The following PLXNB2 variants were observed in gnomAD, a reference collection of about 807,000 sequenced individuals.
PLXNB2 encodes plexin-B2.
A neutral mutation model predicts 202.6 loss-of-function variants in PLXNB2; 85 were observed. The observed-to-expected ratio is 0.42, with a 90% CI of 0.35 to 0.50. The LOEUF is 0.50. Ranked by LOEUF, PLXNB2 falls within the 20% of genes least tolerant of loss-of-function variation. The pLI is 0.02. For missense variants in PLXNB2, 2,063 were observed against 2,586.2 expected, an observed-to-expected ratio of 0.80 and a Z score of 4.39; for synonymous variants, 1,239 against 1,137.6, an observed-to-expected ratio of 1.09 and a Z score of -1.79.
chr22:50,290,115 A>T lies in PLXNB2; in HGVS notation c.470T>A (p.Val157Glu). ...NDEGVATVGLVSSTGPGGDRV... is the reference protein window; with the variant it reads ...NDEGVATVGLESSTGPGGDRV... ...GTCACCACCAGGACCCGTGGAGCTC[A>T]CCAGCCCCACTGTGGCCACGCCCTC... Residue 157 changes from valine (V) to glutamate (E), a missense_variant, in exon 3 of 37, where the codon GTG (valine) becomes GAG (glutamate). Val to Glu is a moderately radical substitution (Grantham distance 121, BLOSUM62 -2). Coordinates refer to ENST00000359337, the MANE Select transcript of PLXNB2 (RefSeq NM_012401.4). The T allele has an allele frequency of 6.2e-7, 1 of 1,613,038 alleles. No homozygotes were observed. Among genetic ancestry groups the T allele is most frequent in the Non-Finnish European group, 8.5e-7 (1 of 1,179,974 alleles).
chr22:50,280,159 G>A (rs2065887223), intron 25 of PLXNB2, 88 bp from the exon 26 acceptor site: 6 of 1,073,400 alleles, frequency 5.6e-6, no homozygotes, highest in East Asian at 2.5e-5. Flanking sequence ...CCACCCTTGC[G>A]CCAGCCTCGC....
intron 1 of PLXNB2, among the ~76,000 whole-genome samples, chr22:50,302,052 G>A (rs1272738454): frequency 6.6e-6 from 1 of 152,272 alleles, no homozygotes; most frequent in East Asian, 1.9e-4. Context: ...GAGGGGCAGT[G>A]GGGCTCTCAG....
In PLXNB2 at chr22:50,307,562, C is replaced by T. The variant is rs982896042; in HGVS notation, c.-83G>A. The T allele has an allele frequency of 4.0e-4, 396 of 982,206 alleles. No homozygotes were observed. The highest frequency in any genetic ancestry group is 5.2e-4 in the Middle Eastern group (1 of 1,928). 60.8% of individuals were successfully genotyped at this position (982,206 alleles called of 1,614,324 possible). A position where few individuals can be genotyped will look rare whatever the true frequency, so the allele number is the denominator to read the frequency against. On this transcript the variant is annotated 5_prime_UTR_variant, in exon 1 of 37. Coordinates refer to ENST00000359337, the MANE Select transcript of PLXNB2 (RefSeq NM_012401.4). Reference sequence around the variant, plus strand: ...CCCCCGAGCTCGGTACCTGCACGTCCGCCGCCAAGGCTCGATGGCGCCCGG... The same window carrying T: ...CCCCCGAGCTCGGTACCTGCACGTCTGCCGCCAAGGCTCGATGGCGCCCGG...
intron 1 of PLXNB2, among the ~76,000 whole-genome samples, chr22:50,303,701 C>A (rs889251977): frequency 1.3e-5 from 2 of 152,214 alleles, no homozygotes; most frequent in African/African-American, 4.8e-5. Flanking sequence ...CACACAGGGC[C>A]CCCCATGGAA....
In PLXNB2 at chr22:50,278,994, C is replaced by T; in HGVS notation, c.4407G>A (p.Val1469=). ...EYAPLTVSVI[V]QDEGVDAIPV... ...GGATGGCGTCCACTCCCTCGTCCTGCACGATCACGCTCACCGTCTGCCGAG... is the reference window on the plus strand; with the variant it reads ...GGATGGCGTCCACTCCCTCGTCCTGTACGATCACGCTCACCGTCTGCCGAG... Residue 1469 remains valine (V), a synonymous_variant, in exon 28 of 37, where the codon GTG becomes GTA. Transcript: ENST00000359337. 1 of 1,610,572 alleles carries T rather than the reference C, an allele frequency of 6.2e-7. No individual in the cohort carries two copies. The highest frequency in any genetic ancestry group is 2.2e-5 in the East Asian group (1 of 44,832).
intron 1 of PLXNB2, among the ~76,000 whole-genome samples, chr22:50,304,419 CTG>C (rs1461497530): frequency 1.3e-5 from 2 of 152,208 alleles, no homozygotes; most frequent in African/African-American, 4.8e-5. Flanking sequence ...AGGAGGGCCA[CTG>C]TGTCAGGGCC....
At chr22:50,280,191 C>A in intron 25 of PLXNB2, 120 bp from the exon 26 acceptor site, 2 of 791,870 alleles carry the variant, frequency 2.5e-6, no homozygotes, top group Admixed American at 2.8e-5. Context: ...CTGGGTGTGG[C>A]CTGCAGCGAG....
chr22:50,282,595 C>A, intron 18 of PLXNB2, 116 bp downstream of exon 18: 2 of 760,364 alleles, frequency 2.6e-6, no homozygotes, highest in South Asian at 1.9e-5. Flanking sequence ...TTCCGGAGGC[C>A]GCCTCCCGCT....
rs747008639 is a variant in PLXNB2, at chr22:50,280,730, G to T, written c.3993+14C>A. 1 of 774,108 alleles carries T rather than the reference G, an allele frequency of 1.3e-6. No individual in the cohort carries two copies. Among genetic ancestry groups the T allele is most frequent in the South Asian group, 1.4e-5 (1 of 71,806 alleles). 48.0% of individuals were successfully genotyped at this position (774,108 alleles called of 1,614,324 possible). On this transcript the variant is annotated intron_variant, in intron 24 of 36. Transcript: ENST00000359337. ...CACCTGTGTGCCCTCCCGCCCGCCC[G>T]ACGCCTGGCTCACATTGATGAGGAA...
chr22:50,304,066 C>T (rs986928124), intron 1 of PLXNB2, among the ~76,000 whole-genome samples: 8 of 152,194 alleles, frequency 5.3e-5, no homozygotes, highest in African/African-American at 1.7e-4. Flanking sequence ...TAGCGGGCCA[C>T]GGTGTGGGCT....
intron 34 of PLXNB2, 38 bp from the exon 35 acceptor site, chr22:50,276,742 G>A (rs2065626949): frequency 1.2e-6 from 2 of 1,600,506 alleles, no homozygotes; most frequent in East Asian, 2.2e-5. Flanking sequence ...TGGGCGGCAG[G>A]GACCACAAAG....
chr22:50,280,714 G>GGCCGACCCC, intron 24 of PLXNB2, 30 bp downstream of exon 24: 1 of 1,528,954 alleles, frequency 6.5e-7, no homozygotes, highest in Non-Finnish European at 8.9e-7. Flanking sequence ...CCACCTGTGT[G>GGCCGACCCC]CCCTCCCGCC....
In PLXNB2 at chr22:50,284,580, G is replaced by A; in HGVS notation, c.2174C>T (p.Thr725Ile). The A allele has an allele frequency of 1.9e-6, 3 of 1,611,412 alleles. No individual in the cohort carries two copies. The highest frequency in any genetic ancestry group is 2.2e-5 in the East Asian group (1 of 44,872). Residue 725 changes from threonine (T) to isoleucine (I), a missense_variant, in exon 12 of 37, where the codon ACC becomes ATC. Physicochemically the swap from Thr to Ile is moderately conservative, Grantham distance 89. Transcript: ENST00000359337. The surrounding 1 kb of genome is among the most constrained non-coding windows in gnomAD (Gnocchi z 8.0). ...MQESGTFAFR[T>I]PKLSHDANET... ...CCTGCCCTGGAGCCGTACCTTTGGG[G>A]TCCGAAAGGCGAAGGTCCCAGATTC...
intron 25 of PLXNB2, 111 bp from the exon 26 acceptor site, chr22:50,280,182 TG>T (rs2147358414): frequency 1.2e-6 from 1 of 865,614 alleles, no homozygotes; most frequent in East Asian, 2.6e-5. Flanking sequence ...CTGTCCAGCC[TG>T]GGTGTGGCCT....
intron 1 of PLXNB2, among the ~76,000 whole-genome samples, chr22:50,296,679 C>T (rs2067301675): frequency 6.6e-6 from 1 of 151,928 alleles, no homozygotes; most frequent in African/African-American, 2.4e-5. Context: ...ACTCTCCAGG[C>T]CCTCAATAGC....
rs1248795262 is a variant in PLXNB2 at position 50,290,462 on chromosome 22, C to G, written c.123G>C (p.Glu41Asp). Reference sequence around the variant, plus strand: ...CCCCCAGGTACACCACGCCTGAGGCCTCATCCACAGCCAGGTGGTTCAGCT... The same window carrying G: ...CCCCCAGGTACACCACGCCTGAGGCGTCATCCACAGCCAGGTGGTTCAGCT... ...EKELNHLAVD[E>D]ASGVVYLGAV... The change falls in exon 3 of 37, where the codon GAG becomes GAC. Residue 41 changes from glutamate (E) to aspartate (D), a missense_variant. Physicochemically the swap from Glu to Asp is conservative, Grantham distance 45. Around this residue, in one of 2 missense-constraint regions of PLXNB2, gnomAD observed 1,303 missense variants for 1,476.8 expected, o/e 0.88. Transcript: ENST00000359337. 6.2e-7 allele frequency: 1 copy of G among 1,612,928 alleles called. No homozygotes were observed. The highest frequency in any genetic ancestry group is 1.1e-5 in the South Asian group (1 of 91,084).
In PLXNB2 at chr22:50,278,580, C is replaced by T. The variant is rs529304377; in HGVS notation, c.4647+16G>A. 4.9e-5 allele frequency: 79 copies of T among 1,608,546 alleles called. No homozygotes were observed. The highest frequency in any genetic ancestry group is 1.4e-4 in the South Asian group (13 of 90,502). ...CAGGGTGCCCAGTTCTCGCCCGCCC[C>T]GGCCTACACGCTCACATTGTAGTGC... On this transcript the variant is annotated intron_variant, in intron 29 of 36. Transcript: ENST00000359337.
In PLXNB2 at chr22:50,288,797, G is replaced by A. The variant is rs746070574; in HGVS notation, c.1326C>T (p.Arg442=). The change falls in exon 5 of 37, where the codon CGC becomes CGT. Residue 442 remains arginine, a synonymous_variant. Transcript: ENST00000359337. The surrounding 1 kb of genome is among the most constrained non-coding windows in gnomAD (Gnocchi z 5.0). ...ILVEINKRVK[R]DLVLSGDLGS... is the part of the protein sequence containing the mutation. ...CCAGGTCTCCAGACAGTACCAGGTC[G>A]CGCTTGACTCTCTTGTTTATCTCCA... 45 of 1,613,188 alleles carry A rather than the reference G, an allele frequency of 2.8e-5. No homozygotes were observed. Among genetic ancestry groups the A allele is most frequent in the East Asian group, 1.6e-4 (7 of 44,878 alleles).
chr22:50,306,681 C>T (rs541424609), intron 1 of PLXNB2, among the ~76,000 whole-genome samples: 140 of 145,540 alleles, frequency 9.6e-4, no homozygotes, highest in Admixed American at 2.1e-3. Context: ...GGTTTGGGGC[C>T]CACCCTCACC....
Sources: allele counts gnomAD v4.1 joint callset (sites outside exome capture counted in the v4.1 genomes callset), GRCh38; gene constraint gnomAD v4.1.1; regional missense constraint gnomAD v4.1.1; non-coding constraint Gnocchi (gnomAD v3.1); transcripts MANE v1.5; gene names NCBI Gene and HGNC (gene_info 2026-07-23, HGNC 2026-07-21).